Variants in MROH1 observed in about 807,000 individuals in gnomAD.
The protein encoded by MROH1 is maestro heat like repeat family member 1, also known as maestro heat-like repeat-containing protein family member 1.
MROH1 carries 117 observed loss-of-function variants against 116.5 expected under a neutral mutation model. The ratio of observed to expected loss-of-function variants is 1.00; its 90% confidence interval spans 0.86 to 1.17. The LOEUF is 1.17. MROH1 is among the 50% of genes most tolerant of loss of function. MROH1 has a pLI of 0.00. For synonymous variants in MROH1, 921 were observed against 583.9 expected (o/e 1.58, Z -8.32); for missense variants, 1,873 against 1,338.5 (o/e 1.40, Z -6.23).
chr8:144,207,768 A>G (rs1833165836), intron 12 of MROH1, among the ~76,000 whole-genome samples: 1 of 152,162 alleles, frequency 6.6e-6, no homozygotes, highest in South Asian at 2.1e-4. Context: ...TGTTTTTATG[A>G]TTAGTACCTT....
rs1841548044 is a variant in MROH1, at chr8:144,244,492, C to T, written c.2719C>T (p.Leu907Phe). ...LHALEDLLTSLLQRNMTPQGL... is the reference protein window; with the variant it reads ...LHALEDLLTSFLQRNMTPQGL... ...CGCCCTTGAGGATCTGCTGACGAGC[C>T]TCCTGCAGCGGAACATGACCCCCCA... Residue 907 changes from leucine to phenylalanine, a missense_variant, in exon 28 of 44, where the codon CTC becomes TTC. By Grantham distance (22) the Leu-to-Phe change is conservative. Coordinates refer to ENST00000326134, the MANE Select transcript of MROH1 (RefSeq NM_032450.3). 1.3e-6 allele frequency: 1 copy of T among 774,552 alleles called. No individual in the cohort carries two copies. Among genetic ancestry groups the T allele is most frequent in the Non-Finnish European group, 2.4e-6 (1 of 415,176 alleles). 48.0% of individuals were successfully genotyped at this position (774,552 alleles called of 1,614,324 possible). A position where few individuals can be genotyped will look rare whatever the true frequency, so the allele number is the denominator to read the frequency against.
intron 37 of MROH1, among the ~76,000 whole-genome samples, chr8:144,259,699 C>T (rs1446376819): frequency 2.6e-5 from 4 of 152,256 alleles, no homozygotes; most frequent in Non-Finnish European, 5.9e-5. Context: ...AAATCTTGCC[C>T]AAGGCCGTGC....
At chr8:144,149,831 G>A (rs1816298114) in intron 1 of MROH1, among the ~76,000 whole-genome samples, 2 of 151,982 alleles carry the variant, frequency 1.3e-5, no homozygotes, top group South Asian at 2.1e-4. Context: ...CAGTGACACA[G>A]CTTGGTGTGG....
chr8:144,175,283 C>T, intron 4 of MROH1: 13 of 566,700 alleles, frequency 2.3e-5, no homozygotes, highest in Non-Finnish European at 2.9e-5. Flanking sequence ...TGCACCCAAG[C>T]TGCCCCTCCC....
chr8:144,209,677 A>G (rs1288684357), intron 12 of MROH1, among the ~76,000 whole-genome samples: 3 of 151,624 alleles, frequency 2.0e-5, no homozygotes, highest in African/African-American at 7.3e-5. Context: ...GGGATCCCGT[A>G]GCAAGCAGAT....
intron 7 of MROH1, among the ~76,000 whole-genome samples, chr8:144,189,561 C>T (rs117398466): frequency 0.022 from 3,334 of 149,908 alleles, 49 homozygotes; most frequent in Non-Finnish European, 0.034. Flanking sequence ...AGCCTCTGCC[C>T]GCTCCCAGCT....
intron 1 of MROH1, among the ~76,000 whole-genome samples, chr8:144,152,920 C>T (rs1817189088): frequency 2.6e-5 from 4 of 152,158 alleles, no homozygotes; most frequent in South Asian, 4.1e-4. Context: ...GTATATATCA[C>T]GTTGCTGTTA....
In MROH1 at chr8:144,239,812, T is replaced by C. The variant is rs985644512; in HGVS notation, c.1774+57T>C. The C allele has an allele frequency of 9.4e-5, 67 of 712,376 alleles. 1 individual carries two copies. Among genetic ancestry groups the C allele is most frequent in the Non-Finnish European group, 1.6e-4 (60 of 382,702 alleles). 44.1% of individuals were successfully genotyped at this position (712,376 alleles called of 1,614,324 possible). On this transcript the variant is annotated intron_variant, in intron 18 of 43. Transcript: ENST00000326134. ...CCTGTGGGGAGGGCAGGTCTCAGAG[T>C]AGGAGGGTGCTAGCTCTGACCCCAC...
intron 1 of MROH1, among the ~76,000 whole-genome samples, chr8:144,159,970 C>A (rs1349824746): frequency 6.6e-6 from 1 of 152,036 alleles, no homozygotes; most frequent in African/African-American, 2.4e-5. Context: ...AGGGTTTCAC[C>A]GTGTTAGCCA....
intron 14 of MROH1, among the ~76,000 whole-genome samples, chr8:144,227,198 A>G (rs1345258652): frequency 6.6e-6 from 1 of 152,122 alleles, no homozygotes; most frequent in Non-Finnish European, 1.5e-5. Flanking sequence ...AGGCACTTTT[A>G]TTTGTAAATC....
chr8:144,258,785 T>C lies in MROH1; in HGVS notation c.3800T>C (p.Val1267Ala), dbSNP rs1844413636. ...CCCTGGCAATCCTGCAGCTCTGCAG[T>C]GGACACCCTGCGGTCCATGCTACTC... is the stretch of plus-strand genomic sequence containing the variant. ...TRNLEPCSSA[V>A]DTLRSMLLRS... Residue 1267 changes from valine to alanine, a missense_variant, in exon 36 of 44, where the codon GTG (valine) becomes GCG (alanine). Coordinates refer to ENST00000326134, the MANE Select transcript of MROH1 (RefSeq NM_032450.3). 1 of 767,792 alleles carries C rather than the reference T, an allele frequency of 1.3e-6. No homozygotes were observed. Among genetic ancestry groups the C allele is most frequent in the Non-Finnish European group, 2.4e-6 (1 of 413,864 alleles). 47.6% of individuals were successfully genotyped at this position (767,792 alleles called of 1,614,324 possible). A position where few individuals can be genotyped will look rare whatever the true frequency, so the allele number is the denominator to read the frequency against.
chr8:144,234,498 G>GTTTTTGTTTTTTTTTTTTTTTT lies in MROH1; in HGVS notation c.1339-4253_1339-4252insGTTTTTTTTTTTTTTTTTTTTT, dbSNP rs1839621583. Among the ~76,000 whole-genome samples the GTTTTTGTTTTTTTTTTTTTTTT allele has an allele frequency of 1.5e-3, 28 of 18,104 alleles. 5 individuals carry two copies. The highest frequency in any genetic ancestry group is 3.1e-3 in the Non-Finnish European group (25 of 8,122). 11.9% of individuals were successfully genotyped at this position (18,104 alleles called of 152,430 possible). A position where few individuals can be genotyped will look rare whatever the true frequency, so the allele number is the denominator to read the frequency against. On this transcript the variant is annotated intron_variant, in intron 14 of 43. Coordinates refer to ENST00000326134, the MANE Select transcript of MROH1 (RefSeq NM_032450.3). The stretch of plus-strand genomic sequence containing the variant: ...AATGGAATTATTTTCTTTCTTTTTC[G>GTTTTTGTTTTTTTTTTTTTTTT]TTTTTTTTTTTTTTTTTTTTTTTTT...
intron 25 of MROH1, 91 bp downstream of exon 25, chr8:144,243,707 T>G: frequency 1.3e-6 from 1 of 768,592 alleles, no homozygotes; most frequent in Non-Finnish European, 2.4e-6. Flanking sequence ...GGTGATAATG[T>G]GAAGACAGCC....
rs2133254569 is a variant in MROH1 at position 144,254,968 on chromosome 8, T to C, written c.3584T>C (p.Leu1195Pro). The change falls in exon 34 of 44, where the codon CTG becomes CCG. Residue 1195 changes from leucine (L) to proline (P), a missense_variant. Transcript: ENST00000326134. ...ACCCCAGACCGCGTGGCCACGCTGC[T>C]GCCTCTCTCGGTGAGTCGGGCTCTC... ...GRTPDRVATL[L>P]PLSATCALFE... 2 of 766,914 alleles carry C rather than the reference T, an allele frequency of 2.6e-6. No homozygotes were observed. The highest frequency in any genetic ancestry group is 4.9e-5 in the East Asian group (2 of 40,796). The allele number at this position is 766,914 out of a possible 1,614,324, so 47.5% of individuals were successfully genotyped here. A position where few individuals can be genotyped will look rare whatever the true frequency, so the allele number is the denominator to read the frequency against.
intron 4 of MROH1, among the ~76,000 whole-genome samples, chr8:144,177,417 C>T (rs1020487101): frequency 2.0e-5 from 3 of 152,226 alleles, no homozygotes; most frequent in South Asian, 4.1e-4. Context: ...AAGACTTTCA[C>T]GAAGCTCCCA....
chr8:144,184,556 C>T (rs1346060082), intron 7 of MROH1, among the ~76,000 whole-genome samples: 2 of 152,216 alleles, frequency 1.3e-5, no homozygotes, highest in African/African-American at 4.8e-5. Flanking sequence ...GAAAAGAGAA[C>T]CAAATACAGT....
chr8:144,233,216 C>T (rs961526734), intron 14 of MROH1, among the ~76,000 whole-genome samples: 16 of 151,980 alleles, frequency 1.1e-4, no homozygotes, highest in African/African-American at 3.9e-4. Context: ...CACACTTCAG[C>T]GACTTTAAGC....
rs34819224 is a variant in MROH1, at chr8:144,168,385, C to T, written c.113C>T (p.Ala38Val). 1,557,839 of 1,611,486 alleles carry T rather than the reference C, an allele frequency of 0.97. 766,391 individuals are homozygous for T. The highest frequency in any genetic ancestry group is 1 in the East Asian group (44,878 of 44,880). ...VCSALCSLGE[A>V]RPVETLRACE... ...AGTGCCCTGTGCTCCCTCGGGGAGG[C>T]GCGGCCGGTGGAGACGCTCCGTGCC... The change falls in exon 4 of 44, where the codon GCG becomes GTG. Residue 38 changes from alanine (A) to valine (V), a missense_variant. By Grantham distance (64) the Ala-to-Val change is moderately conservative (BLOSUM62 0). Coordinates refer to ENST00000326134, the MANE Select transcript of MROH1 (RefSeq NM_032450.3).
In MROH1 at chr8:144,247,039, T is replaced by A. The variant is rs1037222587; in HGVS notation, c.2872-262T>A. Among the ~76,000 whole-genome samples the A allele has an allele frequency of 4.8e-3, 726 of 152,310 alleles. 3 individuals carry two copies. The highest frequency in any genetic ancestry group is 8.3e-3 in the Admixed American group (127 of 15,306). On this transcript the variant is annotated intron_variant, in intron 29 of 43. Transcript: ENST00000326134. ...CACGTCGGCATGGCCTGGCCCTCCT[T>A]CTTGTAGGGGCCCGGCCTGGGAGCC...
Sources: allele counts gnomAD v4.1 joint callset (sites outside exome capture counted in the v4.1 genomes callset), GRCh38; gene constraint gnomAD v4.1.1; transcripts MANE v1.5; gene names NCBI Gene and HGNC (gene_info 2026-07-23, HGNC 2026-07-21).